Variants in RPRD2 observed in about 807,000 individuals in gnomAD.
RPRD2 encodes the protein regulation of nuclear pre-mRNA domain containing 2.
In RPRD2, 12 loss-of-function variants were observed where a neutral mutation model predicts 104.4. The observed-to-expected ratio is 0.11, with a 90% confidence interval of 0.07 to 0.19. The LOEUF (loss-of-function observed/expected upper bound fraction) is 0.19. Ranked by LOEUF, RPRD2 falls within the 10% of genes least tolerant of loss-of-function variation. The pLI is 1.00. For missense variants in RPRD2, 1,543 were observed against 1,790.1 expected, an observed-to-expected ratio of 0.86 and a Z score of 2.49; for synonymous variants, 714 against 684.9, an observed-to-expected ratio of 1.04 and a Z score of -0.66.
Position 150,473,288 on chromosome 1 carries a change from C to G in RPRD2, c.4340C>G (p.Pro1447Arg). The G allele has an allele frequency of 1.2e-6, 2 of 1,613,488 alleles. No homozygotes were observed. Among genetic ancestry groups the G allele is most frequent in the South Asian group, 2.2e-5 (2 of 91,060 alleles). The change falls in exon 11 of 11, where the codon CCT (proline) becomes CGT (arginine). Residue 1447 changes from proline to arginine, a missense_variant. Pro to Arg is a moderately radical substitution (Grantham distance 103). Coordinates refer to ENST00000369068, the MANE Select transcript of RPRD2 (RefSeq NM_015203.5). ...CCCAGGCCACCTTTTGCTAGGGGCCCTCCGTTCTTTGCACCAAAACGCCCA... is the reference window on the plus strand; with the variant it reads ...CCCAGGCCACCTTTTGCTAGGGGCCGTCCGTTCTTTGCACCAAAACGCCCA... ...KRPRPPFARG[P>R]PFFAPKRPFF...
At position 150,473,112 on chromosome 1, in the gene RPRD2, G is replaced by A; in HGVS notation, c.4164G>A (p.Gly1388=). Residue 1388 remains glycine, a synonymous_variant, in exon 11 of 11, where the codon GGG becomes GGA. Transcript: ENST00000369068. The part of the protein sequence containing the change: ...HLGPPHGGGG[G]GGSNSSSGPP... The stretch of plus-strand genomic sequence containing the variant: ...GCCCACCCCATGGAGGAGGAGGTGG[G>A]GGAGGCAGCAACAGCAGCAGTGGCC... 1 of 1,614,008 alleles carries A rather than the reference G, an allele frequency of 6.2e-7. No homozygotes were observed. Among genetic ancestry groups the A allele is most frequent in the Non-Finnish European group, 8.5e-7 (1 of 1,179,882 alleles).
intron 1 of RPRD2, among the ~76,000 whole-genome samples, chr1:150,399,952 T>G (rs1329130516): frequency 3.3e-5 from 5 of 152,190 alleles, no homozygotes; most frequent in Non-Finnish European, 7.3e-5. Context: ...GGATTTTGAT[T>G]AGGACTAAAT....
Position 150,471,819 on chromosome 1 carries a change from G to T in RPRD2, c.2871G>T (p.Leu957Phe). The T allele has an allele frequency of 6.2e-7, 1 of 1,613,858 alleles. No individual in the cohort carries two copies. ...LSQSTTGHLS[L>F]PQKQYPDSPH... ...AATCTACCACTGGGCATCTCAGTTT[G>T]CCACAGAAGCAGTACCCAGACTCTC... Residue 957 changes from leucine (L) to phenylalanine (F), a missense_variant, in exon 11 of 11, where the codon TTG becomes TTT. Coordinates refer to ENST00000369068, the MANE Select transcript of RPRD2 (RefSeq NM_015203.5). The surrounding 1 kb of genome is among the most constrained non-coding windows in gnomAD (Gnocchi z 5.3).
chr1:150,387,193 A>G (rs181972648), intron 1 of RPRD2, among the ~76,000 whole-genome samples: 99 of 152,322 alleles, frequency 6.5e-4, no homozygotes, highest in Middle Eastern at 6.8e-3. Context: ...AAATCCACGT[A>G]TAAGTGAGAC....
chr1:150,445,414 C>T (rs587636466), intron 6 of RPRD2, among the ~76,000 whole-genome samples: 6 of 152,236 alleles, frequency 3.9e-5, no homozygotes, highest in African/African-American at 1.4e-4. Context: ...TGAATTATCA[C>T]GAATCTTTTT....
rs1308480413 is a variant in RPRD2, at chr1:150,473,400, G to A, written c.*66G>A. The stretch of plus-strand genomic sequence containing the variant: ...ATTGGAAGTAGGAGTTTGGTTTATT[G>A]TTGTTGTTTTTATTTGTTTTCTCTT... On this transcript the variant is annotated 3_prime_UTR_variant, in exon 11 of 11. Transcript: ENST00000369068. 1.3e-5 allele frequency: 18 copies of A among 1,436,750 alleles called. 1 individual carries two copies. Among genetic ancestry groups the A allele is most frequent in the South Asian group, 1.2e-4 (8 of 64,960 alleles). 89.0% of individuals were successfully genotyped at this position (1,436,750 alleles called of 1,614,324 possible).
chr1:150,446,281 G>A lies in RPRD2; in HGVS notation c.750G>A (p.Leu250=). The part of the protein sequence containing the change: ...SKEFEEASSK[L]EEFVNGLDKQ... ...AATTTGAAGAGGCAAGCTCCAAGCT[G>A]GAAGAATTTGTGAATGGATTAGATA... The change falls in exon 7 of 11, where the codon CTG becomes CTA. Residue 250 remains leucine (L), a synonymous_variant. Transcript: ENST00000369068. The A allele has an allele frequency of 6.2e-7, 1 of 1,609,332 alleles. No individual in the cohort carries two copies. Among genetic ancestry groups the A allele is most frequent in the Non-Finnish European group, 8.5e-7 (1 of 1,178,756 alleles).
At position 150,440,949 on chromosome 1, in the gene RPRD2, A is replaced by C; in HGVS notation, c.362A>C (p.Glu121Ala). 1.9e-6 allele frequency: 3 copies of C among 1,576,570 alleles called. No homozygotes were observed. Among genetic ancestry groups the C allele is most frequent in the Non-Finnish European group, 2.6e-6 (3 of 1,158,040 alleles). The change falls in exon 3 of 11, where the codon GAA (glutamate) becomes GCA (alanine). Residue 121 changes from glutamate (E) to alanine (A), a missense_variant. By Grantham distance (107) the Glu-to-Ala change is moderately radical. Transcript: ENST00000369068. ...VKDPSVSKSV[E>A]RIFKIWEDRN... ...GATCCATCTGTCTCTAAGTCTGTAG[A>C]ACGAATCTTTAAAATCTGGGAAGAT... is the stretch of plus-strand genomic sequence containing the variant.
rs1553894535 is a variant in RPRD2, at chr1:150,441,901, A to G, written c.457A>G (p.Lys153Glu). ...TCCAGGTACCACTTTCAAAACTCAG[A>G]AGCAGCTGAAAGAAAATCTGAACAA... ...EALSTTFKTQ[K>E]QLKENLNKQP... Residue 153 changes from lysine to glutamate, a missense_variant, in exon 4 of 11, where the codon AAG becomes GAG. Coordinates refer to ENST00000369068, the MANE Select transcript of RPRD2 (RefSeq NM_015203.5). 6.2e-7 allele frequency: 1 copy of G among 1,613,170 alleles called. No homozygotes were observed. The highest frequency in any genetic ancestry group is 1.7e-5 in the Admixed American group (1 of 59,882).
intron 1 of RPRD2, among the ~76,000 whole-genome samples, chr1:150,405,684 T>C (rs1208704660): frequency 6.6e-6 from 1 of 152,224 alleles, no homozygotes; most frequent in Non-Finnish European, 1.5e-5. Context: ...TTCACTTTCC[T>C]GGTTAACCAT....
chr1:150,447,131 G>A (rs1376143782), intron 7 of RPRD2, among the ~76,000 whole-genome samples: 2 of 150,800 alleles, frequency 1.3e-5, no homozygotes, highest in African/African-American at 2.4e-5. Context: ...CACCGTGCCC[G>A]GCCCAATTTT....
At chr1:150,458,832 C>T (rs1667726503) in intron 8 of RPRD2, among the ~76,000 whole-genome samples, 2 of 152,064 alleles carry the variant, frequency 1.3e-5, no homozygotes, top group Admixed American at 1.3e-4. Context: ...TTATTAGAGA[C>T]GGAGTTTCAC....
intron 1 of RPRD2, among the ~76,000 whole-genome samples, chr1:150,392,418 T>C (rs1553883333): frequency 6.6e-6 from 1 of 151,948 alleles, no homozygotes; most frequent in African/African-American, 2.4e-5. Context: ...GGCAGAAGAA[T>C]TGCTGGAACC....
At chr1:150,381,035 C>T (rs1168222601) in intron 1 of RPRD2, among the ~76,000 whole-genome samples, 12 of 152,238 alleles carry the variant, frequency 7.9e-5, no homozygotes, top group Non-Finnish European at 1.6e-4. Flanking sequence ...TGGCCCCCCT[C>T]ACCCCCAAAA....
At chr1:150,458,886 C>T (rs1433578871) in intron 8 of RPRD2, among the ~76,000 whole-genome samples, 2 of 152,140 alleles carry the variant, frequency 1.3e-5, no homozygotes, top group Admixed American at 6.6e-5. Flanking sequence ...TCAAGTGATC[C>T]GCCTGCCTCG....
At chr1:150,394,724 G>A (rs1320454113) in intron 1 of RPRD2, among the ~76,000 whole-genome samples, 2 of 152,100 alleles carry the variant, frequency 1.3e-5, no homozygotes, top group Non-Finnish European at 2.9e-5. Flanking sequence ...CAGAGTAGGT[G>A]GTGCACACCA....
chr1:150,433,408 C>CTA (rs1176942157), intron 2 of RPRD2, among the ~76,000 whole-genome samples: 93 of 122,856 alleles, frequency 7.6e-4, no homozygotes, highest in Non-Finnish European at 1.1e-3. Flanking sequence ...TATATATATA[C>CTA]TATATATACA....
intron 3 of RPRD2, 105 bp from the exon 4 acceptor site, chr1:150,441,776 C>T (rs1666420473): frequency 1.6e-6 from 1 of 615,586 alleles, no homozygotes; most frequent in Non-Finnish European, 2.8e-6. Context: ...AGAAACAACA[C>T]ACAGTCTCGG....
At chr1:150,429,347 A>G (rs926780811) in intron 2 of RPRD2, among the ~76,000 whole-genome samples, 1 of 151,198 alleles carries the variant, frequency 6.6e-6, no homozygotes, top group Admixed American at 6.6e-5. Context: ...AAGTGTTAGG[A>G]TTACAGGTGT....
Sources: gnomAD v4.1 joint callset for allele counts (sites outside exome capture counted in the v4.1 genomes callset) on GRCh38, gnomAD v4.1.1 for gene constraint, Gnocchi (gnomAD v3.1) non-coding constraint, MANE v1.5 for transcripts, NCBI Gene and HGNC (gene_info 2026-07-23, HGNC 2026-07-21) for gene names.